Variants in SASH1 observed in about 807,000 individuals in gnomAD.
The protein encoded by SASH1 is SAM and SH3 domain containing 1, also known as SAM and SH3 domain-containing protein 1.
Under a neutral mutation model 125.2 loss-of-function variants are expected in SASH1, and 44 were observed. That is an observed-to-expected ratio of 0.35 (90% CI 0.28 to 0.45). The LOEUF (loss-of-function observed/expected upper bound fraction) is 0.45. Ranked by LOEUF, SASH1 falls within the 20% of genes least tolerant of loss-of-function variation. The probability of loss-of-function intolerance (pLI) is 1.00; values close to 1 mark genes in which losing one functional copy is unlikely to be tolerated. For synonymous variants in SASH1, 639 were observed against 649.1 expected (o/e 0.98, Z 0.24); for missense variants, 1,426 against 1,614.5 (o/e 0.88, Z 2.00).
At chr6:148,522,208 CA>C (rs993478011) in intron 10 of SASH1, among the ~76,000 whole-genome samples, 1 of 152,138 alleles carries the variant, frequency 6.6e-6, no homozygotes, top group African/African-American at 2.4e-5. Flanking sequence ...TGAACACTTG[CA>C]AAAATATGTG....
intron 1 of SASH1, among the ~76,000 whole-genome samples, chr6:148,326,380 T>A (rs1780825374): frequency 3.4e-4 from 15 of 44,414 alleles, no homozygotes; most frequent in African/African-American, 1.1e-3. Flanking sequence ...ATATACATTC[T>A]TTTCTTTTCT....
At chr6:148,229,430 A>G in the SASH1 span, among the ~76,000 whole-genome samples, 1 of 152,176 alleles carries the variant, frequency 6.6e-6, no homozygotes, top group Non-Finnish European at 1.5e-5. Context: ...AAAAAGTACT[A>G]TACAAGGAAG....
chr6:148,429,604 A>G (rs539269247), intron 2 of SASH1, among the ~76,000 whole-genome samples: 31 of 151,864 alleles, frequency 2.0e-4, no homozygotes, highest in Non-Finnish European at 4.0e-4. Context: ...TAAATTAGGC[A>G]TGGTGGTGTA....
chr6:148,500,385 A>G (rs1779516098), intron 8 of SASH1, among the ~76,000 whole-genome samples: 1 of 152,184 alleles, frequency 6.6e-6, no homozygotes, highest in Admixed American at 6.6e-5. Context: ...AATGTGCCGT[A>G]TCGTAATTGA....
At chr6:148,352,788 G>T (rs764445875) in intron 1 of SASH1, among the ~76,000 whole-genome samples, 63 of 151,828 alleles carry the variant, frequency 4.1e-4, no homozygotes, top group Non-Finnish European at 7.1e-4. Context: ...GGCCAACATG[G>T]CGAAACCCCA....
rs145342089 is a variant in SASH1 at position 148,520,652 on chromosome 6, G to T, written c.1209+759G>T. ...GCTAATCCAGAGAGGGGCTTCCAGGGTACAGGGGTGGGGTTTGGCCGCCTC... is the reference window on the plus strand; with the variant it reads ...GCTAATCCAGAGAGGGGCTTCCAGGTTACAGGGGTGGGGTTTGGCCGCCTC... On this transcript the variant is annotated intron_variant, in intron 10 of 19. Coordinates refer to ENST00000367467, the MANE Select transcript of SASH1 (RefSeq NM_015278.5). 2.1e-3 allele frequency among the ~76,000 whole-genome samples: 316 copies of T among 152,224 alleles called. 2 individuals are homozygous for T. The highest frequency in any genetic ancestry group is 7.4e-3 in the African/African-American group (307 of 41,530).
At chr6:148,442,767 CTTTTT>C (rs1199301303) in intron 4 of SASH1, among the ~76,000 whole-genome samples, 1 of 151,626 alleles carries the variant, frequency 6.6e-6, no homozygotes, top group Non-Finnish European at 1.5e-5. Flanking sequence ...CTTTTCTTTT[CTTTTT>C]TATTTATTTA....
At chr6:148,345,399 A>C (rs1283789379) in intron 1 of SASH1, among the ~76,000 whole-genome samples, 2 of 152,214 alleles carry the variant, frequency 1.3e-5, no homozygotes, top group African/African-American at 2.4e-5. Flanking sequence ...AGCAAAGAAA[A>C]TATGTACTTC....
intron 1 of SASH1, among the ~76,000 whole-genome samples, chr6:148,320,964 A>C (rs1044368453): frequency 6.6e-6 from 1 of 152,244 alleles, no homozygotes; most frequent in Non-Finnish European, 1.5e-5. Context: ...GCCTCTTACA[A>C]GAAGTCTTCC....
chr6:148,531,668 C>T lies in SASH1; in HGVS notation c.1564+7C>T, dbSNP rs1562489262. 10 of 1,504,252 alleles carry T rather than the reference C, an allele frequency of 6.6e-6. No individual in the cohort carries two copies. The highest frequency in any genetic ancestry group is 1.4e-5 in the African/African-American group (1 of 70,150). The allele number at this position is 1,504,252 out of a possible 1,614,324, so 93.2% of individuals were successfully genotyped here. ...AGTGGGCAGAGCTCCATGAGTAAGT[C>T]GAGTTTGTCATTGTAGATTATTTTC... On this transcript the variant is annotated splice_region_variant and intron_variant, in intron 13 of 19. Coordinates refer to ENST00000367467, the MANE Select transcript of SASH1 (RefSeq NM_015278.5).
At chr6:148,501,260 A>G (rs898973440) in intron 8 of SASH1, among the ~76,000 whole-genome samples, 10 of 152,114 alleles carry the variant, frequency 6.6e-5, no homozygotes, top group Non-Finnish European at 1.5e-4. Flanking sequence ...ATCGTGCCTG[A>G]TACATGAGTC....
At chr6:148,508,898 A>C (rs1265320456) in intron 8 of SASH1, 1 of 1,251,644 alleles carries the variant, frequency 8.0e-7, no homozygotes, top group Non-Finnish European at 1.0e-6. Context: ...GAATGCGTTC[A>C]ATGGGAAAGA....
At chr6:148,313,533 G>A (rs561045923) in intron 1 of SASH1, among the ~76,000 whole-genome samples, 1 of 152,270 alleles carries the variant, frequency 6.6e-6, no homozygotes, top group South Asian at 2.1e-4. Context: ...AGGGTGGTGG[G>A]AGAGGGAGGA....
chr6:148,487,112 C>CACAT (rs773423176), intron 7 of SASH1, among the ~76,000 whole-genome samples: 3,946 of 120,610 alleles, frequency 0.033, 161 homozygotes, highest in Admixed American at 0.075. Context: ...CACACACACA[C>CACAT]ATATATATAT....
At chr6:148,481,632 G>A (rs1228614623) in intron 7 of SASH1, among the ~76,000 whole-genome samples, 1 of 152,130 alleles carries the variant, frequency 6.6e-6, no homozygotes, top group Non-Finnish European at 1.5e-5. Flanking sequence ...TTGAGCAGGA[G>A]GGAGAGAGAT....
At chr6:148,343,758 C>G (rs1457965224) in intron 1 of SASH1, among the ~76,000 whole-genome samples, 5 of 152,280 alleles carry the variant, frequency 3.3e-5, no homozygotes, top group African/African-American at 9.6e-5. Flanking sequence ...TTTGCTAAAT[C>G]TGTGCTGTCA....
chr6:148,423,137 C>T (rs1055058444), intron 2 of SASH1, among the ~76,000 whole-genome samples: 1 of 152,092 alleles, frequency 6.6e-6, no homozygotes, highest in African/African-American at 2.4e-5. Flanking sequence ...CAGGGTTTCA[C>T]CATGTTGGCC....
At chr6:148,452,342 C>T (rs1248553676) in intron 4 of SASH1, among the ~76,000 whole-genome samples, 1 of 152,182 alleles carries the variant, frequency 6.6e-6, no homozygotes, top group Admixed American at 6.5e-5. Flanking sequence ...ATCTTCTGGG[C>T]TTCAGCTCCC....
intron 2 of SASH1, among the ~76,000 whole-genome samples, chr6:148,420,080 A>G (rs547729619): frequency 6.6e-6 from 1 of 152,340 alleles, no homozygotes; most frequent in South Asian, 2.1e-4. Context: ...CCTTTAAATG[A>G]CAAGTGCCCT....
Sources: allele counts gnomAD v4.1 joint callset (sites outside exome capture counted in the v4.1 genomes callset), GRCh38; gene constraint gnomAD v4.1.1; transcripts MANE v1.5; gene names NCBI Gene and HGNC (gene_info 2026-07-23, HGNC 2026-07-21).